FBXO3: variants seen among roughly 807,000 people sequenced by gnomAD.
FBXO3 encodes the protein F-box protein 3.
Under a neutral mutation model 64.8 loss-of-function variants are expected in FBXO3, and 17 were observed. The ratio of observed to expected loss-of-function variants is 0.26; its 90% CI spans 0.18 to 0.39. The LOEUF is 0.39. FBXO3 is among the 10% of genes least tolerant of loss of function. FBXO3 has a pLI of 1.00. For synonymous variants in FBXO3, 182 were observed against 201.6 expected (o/e 0.90, Z 0.82); for missense variants, 420 against 589.9 (o/e 0.71, Z 2.98).
chr11:33,743,141 GA>G lies in FBXO3; in HGVS notation c.1240-1058del, dbSNP rs1457701083. 6.6e-6 allele frequency: 1 copy of G among 152,242 alleles called. No individual in the cohort carries two copies. The highest frequency in any genetic ancestry group is 6.5e-5 in the Admixed American group (1 of 15,274). 9.4% of individuals were successfully genotyped at this position (152,242 alleles called of 1,614,324 possible). Reference sequence around the variant, plus strand: ...TGTCAAAGACACATGTCCCAGGAGAGAAAGACAGAACCCTAGGCTGAAGGAA... The same window carrying G: ...TGTCAAAGACACATGTCCCAGGAGAGAAGACAGAACCCTAGGCTGAAGGAA... On this transcript the variant is annotated intron_variant, in intron 10 of 10. Transcript: ENST00000265651. The surrounding 1 kb of genome is among the most constrained non-coding windows in gnomAD (Gnocchi z 4.6).
Position 33,741,908 on chromosome 11 carries a change from C to A in FBXO3, c.1416G>T (p.Ter472TyrextTer5). ...AGTGCTTCCATCAGCAGAAGGCTTG[C>A]TAAAAAAGGCGTGAGCAGCGGCGTC... ...IRRRRCSRLF[*>Y] The change falls in exon 11 of 11, where the codon TAG (stop) becomes TAT (tyrosine). Residue 472 changes from the stop codon to tyrosine, a stop_lost. Transcript: ENST00000265651. 6.2e-7 allele frequency: 1 copy of A among 1,609,158 alleles called. No homozygotes were observed. The highest frequency in any genetic ancestry group is 8.5e-7 in the Non-Finnish European group (1 of 1,177,708).
intron 3 of FBXO3, among the ~76,000 whole-genome samples, chr11:33,760,793 T>A (rs1002714982): frequency 6.6e-6 from 1 of 151,844 alleles, no homozygotes; most frequent in Non-Finnish European, 1.5e-5. Flanking sequence ...GAAAGAAAAA[T>A]TCAGCAGCAG....
Position 33,741,804 on chromosome 11 carries a change from T to C in FBXO3, c.*104A>G, listed in dbSNP as rs1358520622. Reference sequence around the variant, plus strand: ...CAGGGCCTGAAACAATATTTCATGCTAGTTTTCCTGCTATATGCAGAGAAC... The same window carrying C: ...CAGGGCCTGAAACAATATTTCATGCCAGTTTTCCTGCTATATGCAGAGAAC... On this transcript the variant is annotated 3_prime_UTR_variant, in exon 11 of 11. Coordinates refer to ENST00000265651, the MANE Select transcript of FBXO3 (RefSeq NM_012175.4). The C allele has an allele frequency of 1.8e-6, 2 of 1,122,744 alleles. No individual in the cohort carries two copies. Among genetic ancestry groups the C allele is most frequent in the Non-Finnish European group, 2.4e-6 (2 of 849,468 alleles). The allele number at this position is 1,122,744 out of a possible 1,614,324, so 69.5% of individuals were successfully genotyped here.
intron 3 of FBXO3, among the ~76,000 whole-genome samples, chr11:33,764,648 C>T (rs1449733233): frequency 6.6e-6 from 1 of 152,094 alleles, no homozygotes; most frequent in Non-Finnish European, 1.5e-5. Flanking sequence ...TTGCACTAAC[C>T]TAATACAAAA....
At chr11:33,752,904 A>T (rs572525302) in intron 6 of FBXO3, among the ~76,000 whole-genome samples, 1 of 152,294 alleles carries the variant, frequency 6.6e-6, no homozygotes, top group Non-Finnish European at 1.5e-5. Flanking sequence ...AATCTACCTT[A>T]TTTTATTACA....
At chr11:33,744,288 G>A (rs1358262970) in intron 10 of FBXO3, 1 of 152,016 alleles carries the variant, frequency 6.6e-6, no homozygotes, top group African/African-American at 2.4e-5. Context: ...TGTGGCTAAG[G>A]AGAAAGATTG....
chr11:33,746,436 AT>A, intron 10 of FBXO3: 1 of 468,984 alleles, frequency 2.1e-6, no homozygotes, highest in Non-Finnish European at 3.8e-6. Flanking sequence ...TCTGGATCAG[AT>A]TAATATCATG....
At chr11:33,772,491 C>A (rs1159370135) in intron 1 of FBXO3, 1 of 152,306 alleles carries the variant, frequency 6.6e-6, no homozygotes, top group African/African-American at 2.4e-5. Flanking sequence ...CTACCTCCAG[C>A]AACGCCAGCC....
intron 6 of FBXO3, chr11:33,753,649 A>C (rs1855018966): frequency 6.6e-6 from 1 of 152,254 alleles, no homozygotes; most frequent in Non-Finnish European, 1.5e-5. Context: ...GATATTATGA[A>C]GTACACCATG....
intron 3 of FBXO3, chr11:33,767,682 T>C (rs1849474185): frequency 6.6e-6 from 1 of 152,234 alleles, no homozygotes; most frequent in Non-Finnish European, 1.5e-5. Flanking sequence ...ACTTTTGCAA[T>C]TAAATGGAGT....
At chr11:33,749,008 C>T (rs1049415587) in intron 8 of FBXO3, 116 bp from the exon 9 acceptor site, 3 of 511,776 alleles carry the variant, frequency 5.9e-6, no homozygotes, top group Admixed American at 6.6e-5. Context: ...AATTAAGAAA[C>T]CCAACCCAAA....
chr11:33,753,804 C>T (rs1855023349), intron 6 of FBXO3: 1 of 152,190 alleles, frequency 6.6e-6, no homozygotes, highest in Non-Finnish European at 1.5e-5. Context: ...ATATGTCAGT[C>T]AGTACCCTTA....
rs1590589767 is a variant in FBXO3, at chr11:33,770,671, C to G, written c.194+70G>C. On this transcript the variant is annotated intron_variant, in intron 2 of 10. Coordinates refer to ENST00000265651, the MANE Select transcript of FBXO3 (RefSeq NM_012175.4). Reference sequence around the variant, plus strand: ...AGAGACAAGGGTTAGAGAGGAGAATCAGGACAAACTAGTGTTATGGAAGAA... The same window carrying G: ...AGAGACAAGGGTTAGAGAGGAGAATGAGGACAAACTAGTGTTATGGAAGAA... 4 of 1,141,566 alleles carry G rather than the reference C, an allele frequency of 3.5e-6. No homozygotes were observed. The East Asian group carries it at 9.5e-5, about 27-fold the overall frequency. 70.7% of individuals were successfully genotyped at this position (1,141,566 alleles called of 1,614,324 possible).
chr11:33,749,377 T>TTG (rs1554945195), intron 8 of FBXO3, among the ~76,000 whole-genome samples: 178 of 150,708 alleles, frequency 1.2e-3, no homozygotes, highest in African/African-American at 4.2e-3. Flanking sequence ...TTTTTTTTTT[T>TTG]GAGACAGGGT....
chr11:33,754,554 T>G, intron 5 of FBXO3, 54 bp from the exon 6 acceptor site: 1 of 1,476,796 alleles, frequency 6.8e-7, no homozygotes, highest in South Asian at 1.3e-5. Flanking sequence ...TAATTTTTCA[T>G]TGTTCATTAT....
intron 1 of FBXO3, chr11:33,771,471 A>T (rs1347952627): frequency 6.6e-6 from 1 of 152,230 alleles, no homozygotes; most frequent in Non-Finnish European, 1.5e-5. Context: ...AAGATTTCTA[A>T]CACAACAGTG....
chr11:33,751,001 T>C (rs781690314), intron 7 of FBXO3, among the ~76,000 whole-genome samples: 1 of 152,212 alleles, frequency 6.6e-6, no homozygotes, highest in Non-Finnish European at 1.5e-5. Context: ...TGATGTCCAA[T>C]GCTAAATGAT....
At chr11:33,769,320 A>T (rs944202562) in intron 2 of FBXO3, among the ~76,000 whole-genome samples, 1 of 152,172 alleles carries the variant, frequency 6.6e-6, no homozygotes, top group African/African-American at 2.4e-5. Context: ...ATTCTTAAAA[A>T]TATACCAATT....
Position 33,740,994 on chromosome 11 carries a change from T to C in FBXO3, c.*914A>G, listed in dbSNP as rs1235331821. The stretch of plus-strand genomic sequence containing the variant: ...TGTGAGTTTTTAACACTTGAAGGAT[T>C]TCATTCTTAACTCTCAATTATATAA... On this transcript the variant is annotated 3_prime_UTR_variant, in exon 11 of 11. Coordinates refer to ENST00000265651, the MANE Select transcript of FBXO3 (RefSeq NM_012175.4). 2 of 152,650 alleles carry C rather than the reference T, an allele frequency of 1.3e-5. No homozygotes were observed. The highest frequency in any genetic ancestry group is 1.5e-5 in the Non-Finnish European group (1 of 68,052). The allele number at this position is 152,650 out of a possible 1,614,324, so 9.5% of individuals were successfully genotyped here.
Sources: gnomAD v4.1 joint callset for allele counts (sites outside exome capture counted in the v4.1 genomes callset) on GRCh38, gnomAD v4.1.1 for gene constraint, Gnocchi (gnomAD v3.1) non-coding constraint, MANE v1.5 for transcripts, NCBI Gene and HGNC (gene_info 2026-07-23, HGNC 2026-07-21) for gene names.